PARM1: variants seen among roughly 807,000 people sequenced by gnomAD.
PARM1 encodes prostate androgen-regulated mucin-like protein 1.
Under a neutral mutation model 24.6 loss-of-function variants are expected in PARM1, and 14 were observed. The ratio of observed to expected loss-of-function variants is 0.57; its 90% confidence interval spans 0.38 to 0.89. The LOEUF is 0.89. Ranked by LOEUF, PARM1 falls within the 40% of genes least tolerant of loss-of-function variation. The pLI is 0.00. For missense variants in PARM1, 362 were observed against 380.4 expected, an observed-to-expected ratio of 0.95 and a Z score of 0.40; for synonymous variants, 179 against 156.6, an observed-to-expected ratio of 1.14 and a Z score of -1.07.
chr4:75,039,214 G>T (rs547358584), intron 3 of PARM1, among the ~76,000 whole-genome samples: 1 of 152,262 alleles, frequency 6.6e-6, no homozygotes, highest in Non-Finnish European at 1.5e-5. Flanking sequence ...ATGTGCATAA[G>T]AATCAATGGA....
At chr4:74,986,078 C>T (rs1176941106) in intron 1 of PARM1, among the ~76,000 whole-genome samples, 1 of 152,072 alleles carries the variant, frequency 6.6e-6, no homozygotes, top group Non-Finnish European at 1.5e-5. Context: ...TAGAATAATT[C>T]ATTGTTTTGT....
chr4:74,960,972 T>C (rs1239580175), intron 1 of PARM1, among the ~76,000 whole-genome samples: 1 of 148,562 alleles, frequency 6.7e-6, no homozygotes, highest in East Asian at 2.0e-4. Flanking sequence ...GCCACTGCAC[T>C]CCAGCCTGGG....
intron 3 of PARM1, among the ~76,000 whole-genome samples, chr4:75,035,115 A>T (rs1473029467): frequency 6.6e-6 from 1 of 152,042 alleles, no homozygotes; most frequent in Non-Finnish European, 1.5e-5. Flanking sequence ...TGCTGTGTAC[A>T]TTGGCTTTCA....
intron 1 of PARM1, among the ~76,000 whole-genome samples, chr4:74,947,872 G>A (rs533368987): frequency 4.6e-5 from 7 of 152,276 alleles, no homozygotes; most frequent in South Asian, 4.1e-4. Flanking sequence ...AAACAAGTCC[G>A]CAGTGTTTAG....
chr4:74,944,028 A>G (rs1294935095), intron 1 of PARM1, among the ~76,000 whole-genome samples: 1 of 152,158 alleles, frequency 6.6e-6, no homozygotes, highest in East Asian at 1.9e-4. Flanking sequence ...TAAAACCTGC[A>G]CCTTAGCTGA....
intron 1 of PARM1, among the ~76,000 whole-genome samples, chr4:74,992,073 T>C (rs937423764): frequency 1.3e-5 from 2 of 152,088 alleles, no homozygotes; most frequent in Non-Finnish European, 2.9e-5. Context: ...AATAAAGAGA[T>C]GAATAGGGCA....
At chr4:74,933,418 A>G (rs554786080) in intron 1 of PARM1, 48 bp downstream of exon 1, 13 of 1,549,358 alleles carry the variant, frequency 8.4e-6, no homozygotes, top group Non-Finnish European at 1.2e-5. Context: ...GGTGGGCCCC[A>G]GTAGCTAGCG....
rs1313234378 is a variant in PARM1, at chr4:75,012,636, C to T, written c.255C>T (p.Ser85=). 2.5e-6 allele frequency: 4 copies of T among 1,613,844 alleles called. No homozygotes were observed. The African/African-American group carries it at 5.3e-5, about 22-fold the overall frequency. ...TTCCTAAGAACATTTCCATAGAGTC[C>T]AGAGAAGAGGAGATCACCAGCCCAG... ...SLLPKNISIE[S]REEEITSPGS... The change falls in exon 2 of 4, where the codon TCC becomes TCT. Residue 85 remains serine (S), a synonymous_variant. Transcript: ENST00000307428.
At chr4:75,004,723 G>A (rs1192558603) in intron 1 of PARM1, among the ~76,000 whole-genome samples, 2 of 152,196 alleles carry the variant, frequency 1.3e-5, no homozygotes, top group East Asian at 3.9e-4. Context: ...GGTTCATACA[G>A]TCTAATAACT....
intron 1 of PARM1, among the ~76,000 whole-genome samples, chr4:74,957,683 T>C (rs1406294129): frequency 6.6e-6 from 1 of 152,206 alleles, no homozygotes; most frequent in East Asian, 1.9e-4. Flanking sequence ...TTCTGTCATT[T>C]GTCTAGAGTA....
At chr4:75,008,007 A>G (rs1722804853) in intron 1 of PARM1, among the ~76,000 whole-genome samples, 1 of 152,190 alleles carries the variant, frequency 6.6e-6, no homozygotes, top group South Asian at 2.1e-4. Context: ...AAGCCACCCA[A>G]TCTGTGGTAT....
Position 75,050,065 on chromosome 4 carries a change from A to G in PARM1, c.*3818A>G, listed in dbSNP as rs1723688890. ...ATTGTATCCACATTTGTTGTAAGAC[A>G]TATTGCATACCAATTATAATTATAT... is the stretch of plus-strand genomic sequence containing the variant. On this transcript the variant is annotated 3_prime_UTR_variant, in exon 4 of 4. Coordinates refer to ENST00000307428, the MANE Select transcript of PARM1 (RefSeq NM_015393.4). 1 of 152,592 alleles carries G rather than the reference A, an allele frequency of 6.6e-6. No homozygotes were observed. Among genetic ancestry groups the G allele is most frequent in the African/African-American group, 2.4e-5 (1 of 41,430 alleles). 9.5% of individuals were successfully genotyped at this position (152,592 alleles called of 1,614,324 possible).
chr4:75,013,738 T>C (rs1295644391), intron 2 of PARM1, among the ~76,000 whole-genome samples: 1 of 152,256 alleles, frequency 6.6e-6, no homozygotes, highest in East Asian at 1.9e-4. Context: ...TTCTTTATAG[T>C]CACTGATATA....
At chr4:75,019,538 G>A (rs1410547606) in intron 2 of PARM1, among the ~76,000 whole-genome samples, 1 of 152,118 alleles carries the variant, frequency 6.6e-6, no homozygotes, top group Non-Finnish European at 1.5e-5. Flanking sequence ...TCCAGTATGA[G>A]CGATGCCAAT....
Position 75,041,234 on chromosome 4 carries a change from A to G in PARM1, c.849-4929A>G, listed in dbSNP as rs771727683. 9.2e-5 allele frequency among the ~76,000 whole-genome samples: 14 copies of G among 152,236 alleles called. No homozygotes were observed. The South Asian group carries it at 1.0e-3, about 11-fold the overall frequency. ...GGCAGGAAATGATAATCAGAAAAAA[A>G]GAGGAAACGATGGAAACAATGAAAA... On this transcript the variant is annotated intron_variant, in intron 3 of 3. Coordinates refer to ENST00000307428, the MANE Select transcript of PARM1 (RefSeq NM_015393.4).
intron 2 of PARM1, among the ~76,000 whole-genome samples, chr4:75,022,916 C>T (rs1316832845): frequency 6.6e-6 from 1 of 152,152 alleles, no homozygotes. Flanking sequence ...TAGATGCTAA[C>T]TTAATATTGT....
intron 3 of PARM1, among the ~76,000 whole-genome samples, chr4:75,040,621 T>C (rs972156587): frequency 3.9e-5 from 6 of 152,204 alleles, no homozygotes; most frequent in African/African-American, 1.4e-4. Flanking sequence ...GCCCCAAAAT[T>C]GTGGTTCACA....
intron 1 of PARM1, among the ~76,000 whole-genome samples, chr4:74,945,271 C>G (rs746706730): frequency 6.6e-6 from 1 of 152,194 alleles, no homozygotes; most frequent in Non-Finnish European, 1.5e-5. Flanking sequence ...CTCCCTCTCT[C>G]TTTCATTGCC....
At chr4:74,965,685 C>T (rs926726106) in intron 1 of PARM1, among the ~76,000 whole-genome samples, 5 of 152,246 alleles carry the variant, frequency 3.3e-5, no homozygotes, top group East Asian at 1.9e-4. Context: ...AAGAATACTT[C>T]GCTTCTATGG....
Sources: gnomAD v4.1 joint callset for allele counts (sites outside exome capture counted in the v4.1 genomes callset) on GRCh38, gnomAD v4.1.1 for gene constraint, MANE v1.5 for transcripts, NCBI Gene and HGNC (gene_info 2026-07-23, HGNC 2026-07-21) for gene names.